The following FAF1 variants were observed in gnomAD, a reference collection of about 807,000 sequenced individuals.
FAF1 encodes the protein Fas associated factor 1.
A neutral mutation model predicts 92.5 loss-of-function variants in FAF1; 25 were observed. That is an observed-to-expected ratio of 0.27 (90% CI 0.20 to 0.38). FAF1 has a LOEUF of 0.38. FAF1 is among the 10% of genes least tolerant of loss of function. The probability of loss-of-function intolerance (pLI) is 1.00; values close to 1 mark genes in which losing one functional copy is unlikely to be tolerated. For synonymous variants in FAF1, 234 were observed against 273.2 expected (o/e 0.86, Z 1.42); for missense variants, 636 against 793.3 (o/e 0.80, Z 2.38).
chr1:50,453,899 T>A (rs1372308070), intron 18 of FAF1, among the ~76,000 whole-genome samples: 3 of 152,140 alleles, frequency 2.0e-5, no homozygotes, highest in Admixed American at 6.5e-5. Context: ...AGAACAAGCA[T>A]CATTTGGGGA....
chr1:50,759,057 T>C (rs12065676), intron 4 of FAF1, among the ~76,000 whole-genome samples: 3,051 of 152,200 alleles, frequency 0.02, 100 homozygotes, highest in African/African-American at 0.071. Flanking sequence ...TTAGCCAGGA[T>C]GGTCTCAATC....
chr1:50,507,218 T>C (rs1647069898), intron 15 of FAF1, among the ~76,000 whole-genome samples: 1 of 152,142 alleles, frequency 6.6e-6, no homozygotes, highest in South Asian at 2.1e-4. Flanking sequence ...GTCACTAAAA[T>C]AGACAAGCAA....
chr1:50,747,297 G>A (rs569348763), intron 4 of FAF1, among the ~76,000 whole-genome samples: 2 of 152,238 alleles, frequency 1.3e-5, no homozygotes, highest in African/African-American at 4.8e-5. Context: ...AAGCCACAGG[G>A]GTGTAGCTGC....
In FAF1 at chr1:50,959,909, C is replaced by A; in HGVS notation, c.-98G>T. The A allele has an allele frequency of 1.4e-6, 1 of 723,904 alleles. No individual in the cohort carries two copies. The highest frequency in any genetic ancestry group is 5.8e-5 in the South Asian group (1 of 17,218). The allele number at this position is 723,904 out of a possible 1,614,324, so 44.8% of individuals were successfully genotyped here. Reference sequence around the variant, plus strand: ...TCGCCGCCACCGCCGCCGCCGCCGCCGGGCGCCGAGGGGCTGGCGGGCGAG... The same window carrying A: ...TCGCCGCCACCGCCGCCGCCGCCGCAGGGCGCCGAGGGGCTGGCGGGCGAG... On this transcript the variant is annotated 5_prime_UTR_variant, in exon 1 of 19. Transcript: ENST00000396153.
intron 1 of FAF1, among the ~76,000 whole-genome samples, chr1:50,920,399 A>C (rs1644953526): frequency 6.6e-6 from 1 of 152,176 alleles, no homozygotes. Context: ...TACAGCCCCA[A>C]GTACTACTGC....
intron 2 of FAF1, chr1:50,846,802 T>C (rs562604546): frequency 2.9e-6 from 2 of 680,528 alleles, no homozygotes; most frequent in East Asian, 3.8e-5. Flanking sequence ...CCAATCCCAC[T>C]TAAAGGAAAA....
chr1:50,747,530 T>C (rs1184848527), intron 4 of FAF1, among the ~76,000 whole-genome samples: 2 of 152,184 alleles, frequency 1.3e-5, no homozygotes, highest in African/African-American at 4.8e-5. Flanking sequence ...AGTAACCTGC[T>C]TTTGCTTTTA....
chr1:50,437,331 G>T lies in FAF1; in HGVS notation c.*4109C>A, dbSNP rs1392805159. On this transcript the variant is annotated 3_prime_UTR_variant, in exon 19 of 19. Transcript: ENST00000396153. Reference sequence around the variant, plus strand: ...TTTTTTGATCAATAGGTCCCACTGAGAATCTGATGAATACAGATTCCCTTT... The same window carrying T: ...TTTTTTGATCAATAGGTCCCACTGATAATCTGATGAATACAGATTCCCTTT... 1.3e-5 allele frequency: 2 copies of T among 151,562 alleles called. No individual in the cohort carries two copies. Among genetic ancestry groups the T allele is most frequent in the East Asian group, 3.9e-4 (2 of 5,164 alleles). 9.4% of individuals were successfully genotyped at this position (151,562 alleles called of 1,614,324 possible).
In FAF1 at chr1:50,801,677, C is replaced by T. The variant is rs754834604; in HGVS notation, c.115G>A (p.Ala39Thr). 1.9e-6 allele frequency: 3 copies of T among 1,587,458 alleles called. No homozygotes were observed. Among genetic ancestry groups the T allele is most frequent in the Non-Finnish European group, 2.6e-6 (3 of 1,156,486 alleles). The change falls in exon 3 of 19, where the codon GCA becomes ACA. Residue 39 changes from alanine to threonine, a missense_variant and splice_region_variant. By Grantham distance (58) the Ala-to-Thr change is moderately conservative. Coordinates refer to ENST00000396153, the MANE Select transcript of FAF1 (RefSeq NM_007051.3). ...LLEQNNWDLV[A>T]AINGVIPQEN... ...TGTGGTATTACACCATTGATAGCTG[C>T]CTGCAAACAAGAAACAGAGAAGGCC... is the stretch of plus-strand genomic sequence containing the variant.
chr1:50,644,769 G>T (rs1002631977), intron 8 of FAF1, among the ~76,000 whole-genome samples: 1 of 152,188 alleles, frequency 6.6e-6, no homozygotes, highest in Admixed American at 6.5e-5. Context: ...TACAGAGAGG[G>T]GGAAAATCCC....
At position 50,754,521 on chromosome 1, in the gene FAF1, G is replaced by C. The variant is rs77124941; in HGVS notation, c.368-9746C>G. Reference sequence around the variant, plus strand: ...AGGAATGACAGTAAATCTGATTCCTGTTATTCCATACTGGCTGGAAATGAA... The same window carrying C: ...AGGAATGACAGTAAATCTGATTCCTCTTATTCCATACTGGCTGGAAATGAA... On this transcript the variant is annotated intron_variant, in intron 4 of 18. Coordinates refer to ENST00000396153, the MANE Select transcript of FAF1 (RefSeq NM_007051.3). Among the ~76,000 whole-genome samples the C allele has an allele frequency of 3.0e-3, 458 of 152,236 alleles. 4 individuals carry two copies. The highest frequency in any genetic ancestry group is 0.01 in the African/African-American group (432 of 41,542).
At chr1:50,604,699 G>T (rs896293947) in intron 8 of FAF1, among the ~76,000 whole-genome samples, 3 of 151,972 alleles carry the variant, frequency 2.0e-5, no homozygotes, top group African/African-American at 7.3e-5. Flanking sequence ...GTAGAAATGA[G>T]GGTCTCCTTA....
At chr1:50,750,601 G>A (rs978885230) in intron 4 of FAF1, among the ~76,000 whole-genome samples, 7 of 150,290 alleles carry the variant, frequency 4.7e-5, no homozygotes, top group African/African-American at 1.7e-4. Flanking sequence ...TAATGTTTTC[G>A]AGATTTATCC....
chr1:50,497,846 G>A (rs72898951), intron 15 of FAF1, among the ~76,000 whole-genome samples: 1 of 151,602 alleles, frequency 6.6e-6, no homozygotes, highest in Non-Finnish European at 1.5e-5. Flanking sequence ...CCGCGCCCGG[G>A]CTCAAAACTC....
intron 9 of FAF1, 99 bp from the exon 10 acceptor site, chr1:50,584,910 A>C: frequency 8.9e-7 from 1 of 1,118,202 alleles, no homozygotes; most frequent in Non-Finnish European, 1.3e-6. Flanking sequence ...GCGTTATAAA[A>C]TTTTTATCAA....
Position 50,801,524 on chromosome 1 carries a change from A to G in FAF1, c.161+107T>C, listed in dbSNP as rs560112318. ...GAAAGAACAATGTTAATGAACTTAT[A>G]TACCCCAAATCAATGCTCTATTAAA... On this transcript the variant is annotated intron_variant, in intron 3 of 18. Coordinates refer to ENST00000396153, the MANE Select transcript of FAF1 (RefSeq NM_007051.3). 3.6e-4 allele frequency: 231 copies of G among 638,774 alleles called. 2 individuals are homozygous for G. The East Asian group carries it at 5.8e-3, about 16-fold the overall frequency. 39.6% of individuals were successfully genotyped at this position (638,774 alleles called of 1,614,324 possible).
intron 1 of FAF1, among the ~76,000 whole-genome samples, chr1:50,940,024 C>T (rs1210798213): frequency 6.6e-6 from 1 of 152,156 alleles, no homozygotes; most frequent in Non-Finnish European, 1.5e-5. Flanking sequence ...AATTCTCGTG[C>T]CTCAGCCTCC....
At chr1:50,824,919 T>C (rs1310257061) in intron 2 of FAF1, among the ~76,000 whole-genome samples, 1 of 151,654 alleles carries the variant, frequency 6.6e-6, no homozygotes, top group Non-Finnish European at 1.5e-5. Flanking sequence ...AAGTAGAGAG[T>C]AGAATGATGG....
intron 2 of FAF1, among the ~76,000 whole-genome samples, chr1:50,855,738 A>G (rs778443426): frequency 1.3e-5 from 2 of 151,902 alleles, no homozygotes; most frequent in Non-Finnish European, 2.9e-5. Flanking sequence ...ACAAAGCACA[A>G]TAAATCTTTA....
Sources: gnomAD v4.1 joint callset for allele counts (sites outside exome capture counted in the v4.1 genomes callset) on GRCh38, gnomAD v4.1.1 for gene constraint, MANE v1.5 for transcripts, NCBI Gene and HGNC (gene_info 2026-07-23, HGNC 2026-07-21) for gene names.